Variants in MAGI2 observed in about 807,000 individuals in gnomAD.
MAGI2 encodes membrane associated guanylate kinase, WW and PDZ domain containing 2.
MAGI2 carries 35 observed loss-of-function variants against 133.3 expected under a neutral mutation model. The ratio of observed to expected loss-of-function variants is 0.26; its 90% CI spans 0.20 to 0.35. The LOEUF (loss-of-function observed/expected upper bound fraction) is 0.35, where lower values mean the gene tolerates loss of function less well. MAGI2 is among the 10% of genes least tolerant of loss of function. The pLI is 1.00. For synonymous variants in MAGI2, 729 were observed against 710.6 expected (o/e 1.03, Z -0.41); for missense variants, 1,636 against 1,863.4 (o/e 0.88, Z 2.25).
intron 9 of MAGI2, among the ~76,000 whole-genome samples, chr7:78,283,572 A>G (rs1795844300): frequency 6.6e-6 from 1 of 152,150 alleles, no homozygotes; most frequent in African/African-American, 2.4e-5. Context: ...TCTTGTCTGT[A>G]ATAAATGATT....
At chr7:78,787,722 T>C (rs1052435833) in intron 2 of MAGI2, among the ~76,000 whole-genome samples, 7 of 152,218 alleles carry the variant, frequency 4.6e-5, no homozygotes, top group African/African-American at 1.7e-4. Context: ...TAAAAACAGA[T>C]TTTAAACTCT....
intron 20 of MAGI2, among the ~76,000 whole-genome samples, chr7:78,115,646 C>T (rs902694828): frequency 6.6e-6 from 1 of 151,756 alleles, no homozygotes; most frequent in Admixed American, 6.6e-5. Flanking sequence ...AAAGAAATAA[C>T]CTGAGTACCA....
chr7:79,133,730 A>G (rs545350776), intron 1 of MAGI2, among the ~76,000 whole-genome samples: 14 of 152,292 alleles, frequency 9.2e-5, no homozygotes, highest in East Asian at 7.7e-4. Flanking sequence ...AAATTTTTCA[A>G]TTATAGAATT....
chr7:79,039,012 C>T (rs796394347), intron 1 of MAGI2, among the ~76,000 whole-genome samples: 104 of 152,260 alleles, frequency 6.8e-4, no homozygotes, highest in African/African-American at 2.4e-3. Context: ...ATATCTGTAT[C>T]GTTTGGCTGT....
rs150908271 is a variant in MAGI2, at chr7:79,428,624, C to G, written c.301+24396G>C. Among the ~76,000 whole-genome samples the G allele has an allele frequency of 1.0e-3, 158 of 152,184 alleles. No individual in the cohort carries two copies. In the Middle Eastern group the frequency reaches 0.017, roughly 16 times the overall value. ...ATGAAATGTAAAAATATTTTAATTT[C>G]AAAAATTATTATAATCATCACCATT... is the stretch of plus-strand genomic sequence containing the variant. On this transcript the variant is annotated intron_variant, in intron 1 of 21. Coordinates refer to ENST00000354212, the MANE Select transcript of MAGI2 (RefSeq NM_012301.4).
In MAGI2 at chr7:78,779,488, G is replaced by A. The variant is rs142229996; in HGVS notation, c.419-152249C>T. ...AAGATGAAGAGAGAATAGAAAAGAC[G>A]GAAGAAAGAGAAGAAATAGTTACCT... On this transcript the variant is annotated intron_variant, in intron 2 of 21. Transcript: ENST00000354212. Among the ~76,000 whole-genome samples the A allele has an allele frequency of 1.4e-4, 22 of 152,264 alleles. No homozygotes were observed. In the East Asian group the frequency reaches 2.1e-3, roughly 15 times the overall value.
chr7:78,672,413 C>T lies in MAGI2; in HGVS notation c.419-45174G>A, dbSNP rs1814503032. ...CTATACAGTCTGCAGAGCCATGAGC[C>T]AAAAATAAATCTCTTTATAAATTAG... On this transcript the variant is annotated intron_variant, in intron 2 of 21. Coordinates refer to ENST00000354212, the MANE Select transcript of MAGI2 (RefSeq NM_012301.4). Among the ~76,000 whole-genome samples, 6 of 152,042 alleles carry T rather than the reference C, an allele frequency of 3.9e-5. No homozygotes were observed. In the South Asian group the frequency reaches 1.2e-3, roughly 32 times the overall value.
intron 3 of MAGI2, among the ~76,000 whole-genome samples, chr7:78,538,135 AT>A (rs1163805960): frequency 1.3e-5 from 2 of 152,156 alleles, no homozygotes; most frequent in Non-Finnish European, 2.9e-5. Flanking sequence ...TCAGTAGCCC[AT>A]AAGTACATGG....
At chr7:79,452,887 G>A in intron 1 of MAGI2, 133 bp downstream of exon 1, 2 of 933,546 alleles carry the variant, frequency 2.1e-6, no homozygotes, top group Non-Finnish European at 3.1e-6. Context: ...CACTTGCACT[G>A]CGGGTGCTCT....
intron 2 of MAGI2, among the ~76,000 whole-genome samples, chr7:78,788,725 T>C (rs1211896739): frequency 6.6e-6 from 1 of 152,224 alleles, no homozygotes; most frequent in Non-Finnish European, 1.5e-5. Context: ...CTCTTTTCCC[T>C]TAGGGAATAC....
At chr7:78,668,073 G>C (rs200697976) in intron 2 of MAGI2, among the ~76,000 whole-genome samples, 1 of 151,792 alleles carries the variant, frequency 6.6e-6, no homozygotes, top group Non-Finnish European at 1.5e-5. Flanking sequence ...TGACTTTTTA[G>C]TGATTGCCAT....
chr7:78,692,296 A>G (rs7785088), intron 2 of MAGI2, among the ~76,000 whole-genome samples: 68,886 of 151,936 alleles, frequency 0.45, 16,093 homozygotes, highest in Non-Finnish European at 0.52. Context: ...GAAGAGACTG[A>G]ATGGTATTTA....
intron 19 of MAGI2, 127 bp from the exon 20 acceptor site, chr7:78,125,964 G>T: frequency 1.0e-6 from 1 of 983,954 alleles, no homozygotes; most frequent in Non-Finnish European, 1.5e-6. Flanking sequence ...GTTGGGAGAA[G>T]TCGTAATCTG....
chr7:78,820,566 A>G (rs1790011362), intron 2 of MAGI2, among the ~76,000 whole-genome samples: 1 of 151,992 alleles, frequency 6.6e-6, no homozygotes, highest in Non-Finnish European at 1.5e-5. Context: ...ATGCTCTATC[A>G]GAGCATTTTA....
chr7:78,303,378 CAAAAAAAAAAA>C (rs11377993), intron 9 of MAGI2, among the ~76,000 whole-genome samples: 2 of 33,348 alleles, frequency 6.0e-5, no homozygotes, highest in African/African-American at 2.5e-4. Flanking sequence ...AAACTGTCTC[CAAAAAAAAAAA>C]AAAAAAAAAA....
intron 2 of MAGI2, among the ~76,000 whole-genome samples, chr7:78,860,002 C>T (rs1228495163): frequency 1.3e-5 from 2 of 152,192 alleles, no homozygotes; most frequent in African/African-American, 4.8e-5. Context: ...TCTTCAGTCA[C>T]TGATACTCTT....
chr7:78,811,313 T>C lies in MAGI2; in HGVS notation c.419-184074A>G, dbSNP rs1789022374. ...ACTTTTGTATTTTAATTTATAACAC[T>C]TAGAGGACCTAAGAAGATGCTGATA... is the stretch of plus-strand genomic sequence containing the variant. On this transcript the variant is annotated intron_variant, in intron 2 of 21. Transcript: ENST00000354212. Among the ~76,000 whole-genome samples the C allele has an allele frequency of 2.6e-5, 4 of 151,990 alleles. No individual in the cohort carries two copies. In the South Asian group the frequency reaches 8.3e-4, roughly 31 times the overall value.
chr7:78,043,005 C>T (rs1434355520), intron 21 of MAGI2, among the ~76,000 whole-genome samples: 5 of 152,172 alleles, frequency 3.3e-5, no homozygotes, highest in East Asian at 1.9e-4. Context: ...AGAACATTAT[C>T]GTTTGGAGTC....
At chr7:79,012,218 G>A (rs1808232783) in intron 1 of MAGI2, 1 of 151,956 alleles carries the variant, frequency 6.6e-6, no homozygotes, top group South Asian at 2.1e-4. Context: ...GTATTTTTCT[G>A]GCCAGCTTCT....
Sources: allele counts gnomAD v4.1 joint callset (sites outside exome capture counted in the v4.1 genomes callset), GRCh38; gene constraint gnomAD v4.1.1; transcripts MANE v1.5; gene names NCBI Gene and HGNC (gene_info 2026-07-23, HGNC 2026-07-21).